Variants in FHIT observed in about 807,000 individuals in gnomAD.
FHIT encodes bis(5'-adenosyl)-triphosphatase.
FHIT carries 19 observed loss-of-function variants against 17.9 expected under a neutral mutation model. That is an observed-to-expected ratio of 1.06 (90% CI 0.74 to 1.56). The LOEUF is 1.56. Among genes scored for constraint, FHIT ranks in the 40% most tolerant of loss-of-function variants. The probability of loss-of-function intolerance (pLI) is 0.00; values close to 1 mark genes in which losing one functional copy is unlikely to be tolerated. For synonymous variants in FHIT, 81 were observed against 69.7 expected, an observed-to-expected ratio of 1.16 and a Z score of -0.81; for missense variants, 248 against 189.2, an observed-to-expected ratio of 1.31 and a Z score of -1.82.
rs949478603 is a variant in FHIT at position 60,964,485 on chromosome 3, C to T, written c.-111+77562G>A. Among the ~76,000 whole-genome samples the T allele has an allele frequency of 3.3e-5, 5 of 152,226 alleles. No individual in the cohort carries two copies. In the East Asian group the frequency reaches 9.7e-4, roughly 29 times the overall value. ...TTTGATCCTGTCATTTTGATGTTAG[C>T]TGGTTATTTCGCCCATTAGTTGGTG... On this transcript the variant is annotated intron_variant, in intron 3 of 9. Coordinates refer to ENST00000492590, the MANE Select transcript of FHIT (RefSeq NM_002012.4).
At chr3:61,028,310 C>T (rs1469519882) in intron 3 of FHIT, among the ~76,000 whole-genome samples, 1 of 152,174 alleles carries the variant, frequency 6.6e-6, no homozygotes, top group Non-Finnish European at 1.5e-5. Context: ...ATGGCTCCTT[C>T]CTGCCTCCAA....
intron 7 of FHIT, among the ~76,000 whole-genome samples, chr3:59,982,753 T>C (rs6771698): frequency 2.6e-5 from 4 of 152,036 alleles, no homozygotes; most frequent in Admixed American, 6.5e-5. Context: ...TAGGTACCAA[T>C]AGATAAAAAA....
intron 5 of FHIT, among the ~76,000 whole-genome samples, chr3:60,120,793 C>T (rs1227093241): frequency 1.3e-5 from 2 of 152,088 alleles, no homozygotes. Context: ...CTATCAGTTA[C>T]TTAAATGTCT....
intron 2 of FHIT, among the ~76,000 whole-genome samples, chr3:61,146,970 A>G (rs942891202): frequency 6.6e-6 from 1 of 152,028 alleles, no homozygotes; most frequent in African/African-American, 2.4e-5. Context: ...ATCTTTATGT[A>G]CATTCCTCTG....
At chr3:60,404,100 A>G (rs1273104230) in intron 5 of FHIT, among the ~76,000 whole-genome samples, 2 of 152,168 alleles carry the variant, frequency 1.3e-5, no homozygotes, top group African/African-American at 4.8e-5. Flanking sequence ...AACTTTGTAA[A>G]TTCACTTTAG....
chr3:60,654,017 T>C (rs2040058460), intron 4 of FHIT, among the ~76,000 whole-genome samples: 1 of 152,198 alleles, frequency 6.6e-6, no homozygotes, highest in African/African-American at 2.4e-5. Flanking sequence ...GAGCTATTGC[T>C]CTGAGTTCAC....
chr3:60,124,049 G>GAGAGGGAGAGAGACAGAGAGAC (rs1705421499), intron 5 of FHIT, among the ~76,000 whole-genome samples: 6 of 109,472 alleles, frequency 5.5e-5, no homozygotes, highest in African/African-American at 2.6e-4. Context: ...GAGAGAGAGA[G>GAGAGGGAGAGAGACAGAGAGAC]AGAGAGACAG....
At chr3:59,998,824 C>T (rs1471163575) in intron 7 of FHIT, among the ~76,000 whole-genome samples, 5 of 152,096 alleles carry the variant, frequency 3.3e-5, no homozygotes, top group African/African-American at 1.2e-4. Context: ...ATTTCTGACA[C>T]CTAAACCTAA....
intron 7 of FHIT, among the ~76,000 whole-genome samples, chr3:59,966,572 T>A (rs575355638): frequency 1.3e-5 from 2 of 152,170 alleles, no homozygotes; most frequent in Non-Finnish European, 2.9e-5. Context: ...TACAAAGGTA[T>A]AGAGCATGTT....
At chr3:60,760,181 G>A (rs1699594176) in intron 4 of FHIT, among the ~76,000 whole-genome samples, 2 of 152,086 alleles carry the variant, frequency 1.3e-5, no homozygotes, top group African/African-American at 4.8e-5. Flanking sequence ...GTAGGGAGAG[G>A]AACCCAAATG....
chr3:59,824,337 G>T lies in FHIT; in HGVS notation c.349-72016C>A, dbSNP rs78803149. Among the ~76,000 whole-genome samples, 84 of 152,338 alleles carry T rather than the reference G, an allele frequency of 5.5e-4. 1 individual carries two copies. The East Asian group carries it at 0.015, about 28-fold the overall frequency. On this transcript the variant is annotated intron_variant, in intron 8 of 9. Transcript: ENST00000492590. ...GACTAGAAACTAATTAGATGGTGAG[G>T]CAGAGACCTTGCATTGCGTATCTTA...
At chr3:61,047,738 A>G (rs1429256828) in intron 2 of FHIT, among the ~76,000 whole-genome samples, 1 of 152,182 alleles carries the variant, frequency 6.6e-6, no homozygotes, top group Non-Finnish European at 1.5e-5. Context: ...ACTATACCAC[A>G]AGGCTACCCA....
chr3:61,239,749 A>G, intron 1 of FHIT, among the ~76,000 whole-genome samples: 1 of 137,664 alleles, frequency 7.3e-6, no homozygotes, highest in Admixed American at 7.4e-5. Context: ...AACTGCAAAG[A>G]AAAACAACTG....
intron 5 of FHIT, among the ~76,000 whole-genome samples, chr3:60,039,353 G>C (rs981377008): frequency 6.6e-6 from 1 of 152,148 alleles, no homozygotes; most frequent in South Asian, 2.1e-4. Flanking sequence ...TTTGGCATAA[G>C]AGCATGTTGA....
At chr3:60,204,169 T>C (rs1703047951) in intron 5 of FHIT, among the ~76,000 whole-genome samples, 1 of 152,212 alleles carries the variant, frequency 6.6e-6, no homozygotes, top group Non-Finnish European at 1.5e-5. Context: ...TGCATGCCTG[T>C]ATCAAAATAG....
chr3:60,254,409 T>C (rs191972298), intron 5 of FHIT, among the ~76,000 whole-genome samples: 1 of 152,188 alleles, frequency 6.6e-6, no homozygotes, highest in Admixed American at 6.5e-5. Context: ...TTTTTCCCAA[T>C]ATAAATTAGA....
intron 3 of FHIT, among the ~76,000 whole-genome samples, chr3:60,942,207 AT>A (rs1449631978): frequency 1.3e-5 from 2 of 151,860 alleles, no homozygotes; most frequent in African/African-American, 2.4e-5. Context: ...TGAAGTAGTT[AT>A]TTTTTTTACT....
intron 7 of FHIT, among the ~76,000 whole-genome samples, chr3:59,961,167 T>C (rs1164736785): frequency 6.6e-6 from 1 of 152,148 alleles, no homozygotes; most frequent in Non-Finnish European, 1.5e-5. Context: ...CACTAGCTAT[T>C]AGGGCCATTT....
chr3:60,057,216 G>C (rs1441407978), intron 5 of FHIT, among the ~76,000 whole-genome samples: 1 of 152,126 alleles, frequency 6.6e-6, no homozygotes, highest in Non-Finnish European at 1.5e-5. Flanking sequence ...ACTTTGAGTG[G>C]TATTATTATG....
Sources: allele counts gnomAD v4.1 joint callset (sites outside exome capture counted in the v4.1 genomes callset), GRCh38; gene constraint gnomAD v4.1.1; transcripts MANE v1.5; gene names NCBI Gene and HGNC (gene_info 2026-07-23, HGNC 2026-07-21).